Variants in ELMO1 observed in about 807,000 individuals in gnomAD.
ELMO1 encodes the protein engulfment and cell motility 1, also known as engulfment and cell motility protein 1.
A neutral mutation model predicts 98.9 loss-of-function variants in ELMO1; 26 were observed. The observed-to-expected ratio is 0.26, with a 90% CI of 0.19 to 0.36. ELMO1 has a LOEUF of 0.36. ELMO1 is among the 10% of genes least tolerant of loss of function. The pLI, the probability that ELMO1 is intolerant of heterozygous loss-of-function variation, is 1.00. For missense variants in ELMO1, 627 were observed against 935.2 expected, an observed-to-expected ratio of 0.67 and a Z score of 4.30; for synonymous variants, 346 against 346.0, an observed-to-expected ratio of 1.00 and a Z score of 0.00.
At chr7:37,265,223 G>C (rs1368761239) in intron 5 of ELMO1, among the ~76,000 whole-genome samples, 1 of 152,056 alleles carries the variant, frequency 6.6e-6, no homozygotes, top group African/African-American at 2.4e-5. Flanking sequence ...GTGTGGCGGG[G>C]ACCCTGTTTC....
intron 1 of ELMO1, chr7:37,351,223 TTAAAG>T (rs752090718): frequency 2.0e-5 from 3 of 152,232 alleles, no homozygotes; most frequent in Non-Finnish European, 4.4e-5. Flanking sequence ...TTTTTATATA[TTAAAG>T]TATTTAAAAA....
chr7:37,323,950 A>G (rs1055165475), intron 2 of ELMO1, among the ~76,000 whole-genome samples: 1 of 152,174 alleles, frequency 6.6e-6, no homozygotes, highest in African/African-American at 2.4e-5. Context: ...TCTTAAAAAA[A>G]ATATGATCAC....
chr7:37,394,560 A>C (rs1174370656), intron 1 of ELMO1, among the ~76,000 whole-genome samples: 1 of 152,216 alleles, frequency 6.6e-6, no homozygotes, highest in Non-Finnish European at 1.5e-5. Context: ...GAAGGGAAGC[A>C]AGGGGCATAA....
intron 19 of ELMO1, among the ~76,000 whole-genome samples, chr7:36,873,068 T>C (rs1803660341): frequency 6.6e-6 from 1 of 152,188 alleles, no homozygotes; most frequent in Non-Finnish European, 1.5e-5. Context: ...GAAGTACATA[T>C]ATATTTTTTT....
At chr7:37,330,799 C>T (rs1800061891) in intron 2 of ELMO1, among the ~76,000 whole-genome samples, 1 of 152,116 alleles carries the variant, frequency 6.6e-6, no homozygotes, top group Admixed American at 6.5e-5. Flanking sequence ...CACCTTTTCA[C>T]TTAAAGGAAG....
chr7:36,865,591 G>A (rs1802978250), intron 20 of ELMO1, among the ~76,000 whole-genome samples: 1 of 152,144 alleles, frequency 6.6e-6, no homozygotes, highest in Non-Finnish European at 1.5e-5. Context: ...AGGCCCTTGT[G>A]CCTTTTCAGA....
At chr7:37,152,302 C>T (rs1016195788) in intron 13 of ELMO1, among the ~76,000 whole-genome samples, 10 of 152,200 alleles carry the variant, frequency 6.6e-5, no homozygotes, top group East Asian at 1.9e-4. Flanking sequence ...GCCTGGCCCA[C>T]GAACGCTGCC....
intron 2 of ELMO1, among the ~76,000 whole-genome samples, chr7:37,319,316 G>C (rs180779756): frequency 6.6e-6 from 1 of 152,218 alleles, no homozygotes; most frequent in East Asian, 1.9e-4. Context: ...TACTGCCCAG[G>C]AGTCTCGTTA....
chr7:37,428,299 A>C (rs942692632), intron 1 of ELMO1, among the ~76,000 whole-genome samples: 1 of 152,228 alleles, frequency 6.6e-6, no homozygotes, highest in Non-Finnish European at 1.5e-5. Flanking sequence ...AAAATGGTGC[A>C]GCCTGTCCCT....
At chr7:37,080,405 G>T (rs1797802014) in intron 15 of ELMO1, among the ~76,000 whole-genome samples, 1 of 150,536 alleles carries the variant, frequency 6.6e-6, no homozygotes, top group South Asian at 2.1e-4. Flanking sequence ...GGGCCTACAA[G>T]CACCTGAAGA....
intron 1 of ELMO1, among the ~76,000 whole-genome samples, chr7:37,371,317 C>T (rs1802106763): frequency 6.6e-6 from 1 of 152,142 alleles, no homozygotes; most frequent in South Asian, 2.1e-4. Context: ...AAAAGTATTG[C>T]TAGCATTCTA....
At chr7:36,983,015 A>G (rs1194169681) in intron 16 of ELMO1, among the ~76,000 whole-genome samples, 1 of 152,204 alleles carries the variant, frequency 6.6e-6, no homozygotes, top group Non-Finnish European at 1.5e-5. Flanking sequence ...TCCTACAGCC[A>G]TTGCAGTTCA....
intron 15 of ELMO1, among the ~76,000 whole-genome samples, chr7:37,029,875 T>C (rs1794779149): frequency 6.6e-6 from 1 of 152,160 alleles, no homozygotes; most frequent in South Asian, 2.1e-4. Flanking sequence ...AGATCTTTTT[T>C]AAAACCTTAG....
intron 1 of ELMO1, among the ~76,000 whole-genome samples, chr7:37,355,151 G>C (rs1221002624): frequency 6.6e-6 from 1 of 152,206 alleles, no homozygotes; most frequent in African/African-American, 2.4e-5. Context: ...TCTGGGGTCA[G>C]TTGTTGGCCT....
In ELMO1 at chr7:37,278,716, C is replaced by T. The variant is rs73690182; in HGVS notation, c.193-6834G>A. Among the ~76,000 whole-genome samples, 1,445 of 152,272 alleles carry T rather than the reference C, an allele frequency of 9.5e-3. 24 individuals are homozygous for T. Among genetic ancestry groups the T allele is most frequent in the African/African-American group, 0.033 (1,364 of 41,558 alleles). ...TCCTATACATCTCCTACTGGTACTG[C>T]ATCTCTAGTGGAGTCCTGATGAATT... On this transcript the variant is annotated intron_variant, in intron 4 of 21. Transcript: ENST00000310758.
chr7:37,376,608 C>T (rs937201952), intron 1 of ELMO1, among the ~76,000 whole-genome samples: 2 of 152,132 alleles, frequency 1.3e-5, no homozygotes, highest in African/African-American at 4.8e-5. Context: ...TGACTCAGCG[C>T]ATGAAGACAG....
intron 11 of ELMO1, among the ~76,000 whole-genome samples, chr7:37,214,581 G>C (rs1294134646): frequency 6.6e-6 from 1 of 152,058 alleles, no homozygotes; most frequent in Non-Finnish European, 1.5e-5. Flanking sequence ...AGGAGGGGTG[G>C]GAGAAGATTG....
chr7:36,995,848 CAAATGAG>C (rs1225840069), intron 16 of ELMO1, among the ~76,000 whole-genome samples: 2 of 152,142 alleles, frequency 1.3e-5, no homozygotes, highest in African/African-American at 2.4e-5. Context: ...AGATAATCTA[CAAATGAG>C]ATAATCAATG....
In ELMO1 at chr7:37,038,913, T is replaced by A. The variant is rs1795340229; in HGVS notation, c.1301-25478A>T. Reference sequence around the variant, plus strand: ...TCTGATAAGGGCACTAATCCCATTATGAGGGCCCCACCCTTGTGAACTCAT... The same window carrying A: ...TCTGATAAGGGCACTAATCCCATTAAGAGGGCCCCACCCTTGTGAACTCAT... On this transcript the variant is annotated intron_variant, in intron 15 of 21. Transcript: ENST00000310758. Among the ~76,000 whole-genome samples, 2 of 152,214 alleles carry A rather than the reference T, an allele frequency of 1.3e-5. 1 individual carries two copies. Among genetic ancestry groups the A allele is most frequent in the South Asian group, 4.1e-4 (2 of 4,828 alleles).
Sources: gnomAD v4.1 joint callset for allele counts (sites outside exome capture counted in the v4.1 genomes callset) on GRCh38, gnomAD v4.1.1 for gene constraint, MANE v1.5 for transcripts, NCBI Gene and HGNC (gene_info 2026-07-23, HGNC 2026-07-21) for gene names.